Variants in RBBP4 observed in about 807,000 individuals in gnomAD.
The protein encoded by RBBP4 is RB binding protein 4, chromatin remodeling factor.
RBBP4 carries 3 observed loss-of-function variants against 57.2 expected under a neutral mutation model. The ratio of observed to expected loss-of-function variants is 0.05; its 90% confidence interval spans 0.02 to 0.14. RBBP4 has a LOEUF of 0.14. RBBP4 is among the 10% of genes least tolerant of loss of function. The probability of loss-of-function intolerance (pLI) is 1.00; values close to 1 mark genes in which losing one functional copy is unlikely to be tolerated. For missense variants in RBBP4, 107 were observed against 520.6 expected (o/e 0.21, Z 7.73); for synonymous variants, 151 against 171.5 (o/e 0.88, Z 0.93).
chr1:32,665,344 A>G (rs1000632916), intron 3 of RBBP4, among the ~76,000 whole-genome samples: 1 of 152,170 alleles, frequency 6.6e-6, no homozygotes, highest in Non-Finnish European at 1.5e-5. Flanking sequence ...CATACCACCC[A>G]TGTATATCTT....
At chr1:32,651,405 G>C (rs1024080497) in intron 1 of RBBP4, 83 bp downstream of exon 1, 4 of 1,387,148 alleles carry the variant, frequency 2.9e-6, no homozygotes, top group African/African-American at 1.5e-5. Flanking sequence ...AGTGAGGGCA[G>C]GCCCGAGTTT....
rs768938293 is a variant in RBBP4 at position 32,657,481 on chromosome 1, G to A, written c.219G>A (p.Ser73=). Residue 73 remains serine, a synonymous_variant, in exon 3 of 12, where the codon TCG becomes TCA. Transcript: ENST00000373493. ...GACTTGTCCTGGGGACACACACATC[G>A]GATGAACAAAACCATCTTGTTATAG... ...IHRLVLGTHT[S]DEQNHLVIAS... 3.7e-6 allele frequency: 6 copies of A among 1,613,830 alleles called. No individual in the cohort carries two copies. Among genetic ancestry groups the A allele is most frequent in the South Asian group, 2.2e-5 (2 of 91,078 alleles).
intron 3 of RBBP4, 154 bp downstream of exon 3, chr1:32,657,726 T>C (rs750133392): frequency 4.4e-5 from 37 of 834,182 alleles, no homozygotes; most frequent in Non-Finnish European, 5.9e-5. Context: ...ATTAGAGTTT[T>C]AGGTATCAGA....
rs1649384461 is a variant in RBBP4 at position 32,680,796 on chromosome 1, TAGAAA to T, written c.*1096_*1100del. On this transcript the variant is annotated 3_prime_UTR_variant, in exon 12 of 12. Transcript: ENST00000373493. ...ATTAAATGTAATAGTCCCAGAGCTG[TAGAAA>T]AGAACTTTACTCCTTCCCAGGGAAA... 1 of 430,054 alleles carries T rather than the reference TAGAAA, an allele frequency of 2.3e-6. No individual in the cohort carries two copies. The highest frequency in any genetic ancestry group is 2.1e-5 in the African/African-American group (1 of 48,768). 26.6% of individuals were successfully genotyped at this position (430,054 alleles called of 1,614,324 possible). A position where few individuals can be genotyped will look rare whatever the true frequency, so the allele number is the denominator to read the frequency against.
In RBBP4 at chr1:32,669,914, C is replaced by G. The variant is rs1320516943; in HGVS notation, c.966+351C>G. ...TCAAAAAAAAAGAAAAAAGAAAAAC[C>G]TGGATGTATGAGTGGGCACACATGT... On this transcript the variant is annotated intron_variant, in intron 8 of 11. Coordinates refer to ENST00000373493, the MANE Select transcript of RBBP4 (RefSeq NM_005610.3). This position sits in a 1 kb window ranked among gnomAD's most constrained non-coding sequence, Gnocchi z 4.9. Among the ~76,000 whole-genome samples the G allele has an allele frequency of 2.0e-5, 3 of 152,048 alleles. No homozygotes were observed. The highest frequency in any genetic ancestry group is 2.9e-5 in the Non-Finnish European group (2 of 68,012).
intron 2 of RBBP4, 174 bp downstream of exon 2, chr1:32,652,235 AC>A (rs1274349091): frequency 2.8e-6 from 2 of 721,000 alleles, no homozygotes; most frequent in Non-Finnish European, 4.4e-6. Flanking sequence ...TTTGTAACTT[AC>A]CTGACAAGAG....
At chr1:32,664,478 A>C (rs2148523257) in intron 3 of RBBP4, among the ~76,000 whole-genome samples, 1 of 151,960 alleles carries the variant, frequency 6.6e-6, no homozygotes, top group South Asian at 2.1e-4. Context: ...TTTGAGACAG[A>C]GTCTCACTCT....
intron 3 of RBBP4, among the ~76,000 whole-genome samples, chr1:32,667,519 G>A (rs543919019): frequency 6.6e-6 from 1 of 152,044 alleles, no homozygotes. Flanking sequence ...CGGTCTCTGC[G>A]TCTTGGTGGT....
intron 3 of RBBP4, among the ~76,000 whole-genome samples, chr1:32,659,098 A>T (rs1303763343): frequency 6.8e-6 from 1 of 146,706 alleles, no homozygotes; most frequent in East Asian, 1.9e-4. Flanking sequence ...ATATATTTAT[A>T]TTGTGTGTAA....
chr1:32,662,133 C>T, intron 3 of RBBP4: 1 of 236,148 alleles, frequency 4.2e-6, no homozygotes, highest in Admixed American at 4.8e-5. Context: ...ATCTGCTAGC[C>T]TTGGCCTCCC....
intron 3 of RBBP4, 123 bp downstream of exon 3, chr1:32,657,695 A>G: frequency 1.8e-6 from 2 of 1,103,584 alleles, no homozygotes; most frequent in South Asian, 1.8e-5. Flanking sequence ...TGAGTTTGCA[A>G]TGGTAGGTAT....
Position 32,657,768 on chromosome 1 carries a change from C to G in RBBP4, c.310+196C>G, listed in dbSNP as rs1472496091. The G allele has an allele frequency of 9.2e-6, 5 of 541,828 alleles. No individual in the cohort carries two copies. In the Admixed American group the frequency reaches 1.6e-4, roughly 17 times the overall value. 33.6% of individuals were successfully genotyped at this position (541,828 alleles called of 1,614,324 possible). A position where few individuals can be genotyped will look rare whatever the true frequency, so the allele number is the denominator to read the frequency against. On this transcript the variant is annotated intron_variant, in intron 3 of 11. Coordinates refer to ENST00000373493, the MANE Select transcript of RBBP4 (RefSeq NM_005610.3). ...ACTTAACACATCCTTGGTTCTGTAC[C>G]TTCACAATAAACTTTTCTCAGCTGG...
chr1:32,651,636 G>C, intron 1 of RBBP4: 1 of 761,432 alleles, frequency 1.3e-6, no homozygotes. Context: ...CTCGGAGCTC[G>C]GGCCTCCTCG....
At position 32,685,762 on chromosome 1, in the gene RBBP4, G is replaced by A. The variant is rs1322314080; in HGVS notation, c.*6057G>A. 2 of 152,200 alleles carry A rather than the reference G, an allele frequency of 1.3e-5. No individual in the cohort carries two copies. The highest frequency in any genetic ancestry group is 2.4e-5 in the African/African-American group (1 of 41,448). 9.4% of individuals were successfully genotyped at this position (152,200 alleles called of 1,614,324 possible). ...GGTACAAAAGTACATGCTTGGAAAA[G>A]CAGTCTGCACCACCAGTGATAAGCT... On this transcript the variant is annotated 3_prime_UTR_variant, in exon 12 of 12. Coordinates refer to ENST00000373493, the MANE Select transcript of RBBP4 (RefSeq NM_005610.3).
In RBBP4 at chr1:32,681,806, G is replaced by A; in HGVS notation, c.*2101G>A. The stretch of plus-strand genomic sequence containing the variant: ...AGGGTACTTAGTGATCCTTTGCTAA[G>A]AAGTTTTTTGCTGTTTCCGGGTTAC... On this transcript the variant is annotated 3_prime_UTR_variant, in exon 12 of 12. Transcript: ENST00000373493. The A allele has an allele frequency of 4.3e-6, 7 of 1,614,166 alleles. No individual in the cohort carries two copies. Among genetic ancestry groups the A allele is most frequent in the Non-Finnish European group, 5.9e-6 (7 of 1,180,014 alleles).
intron 1 of RBBP4, chr1:32,651,599 TG>T: frequency 1.1e-6 from 1 of 915,088 alleles, no homozygotes; most frequent in South Asian, 2.5e-5. Context: ...GTCCCGAGCG[TG>T]GGGACACCGC....
Position 32,681,984 on chromosome 1 carries a change from A to T in RBBP4, c.*2279A>T. 3 of 822,808 alleles carry T rather than the reference A, an allele frequency of 3.6e-6. No homozygotes were observed. In the South Asian group the frequency reaches 4.8e-5, roughly 13 times the overall value. The allele number at this position is 822,808 out of a possible 1,614,324, so 51.0% of individuals were successfully genotyped here. A position where few individuals can be genotyped will look rare whatever the true frequency, so the allele number is the denominator to read the frequency against. On this transcript the variant is annotated 3_prime_UTR_variant, in exon 12 of 12. Transcript: ENST00000373493. ...GATCAGGGATGACTTTCCCCTAGCA[A>T]ATATTTGGATGCCTCCTGTTTGTCA...
In RBBP4 at chr1:32,684,402, A is replaced by C; in HGVS notation, c.*4697A>C. The C allele has an allele frequency of 6.2e-7, 1 of 1,614,066 alleles. No individual in the cohort carries two copies. On this transcript the variant is annotated 3_prime_UTR_variant, in exon 12 of 12. Coordinates refer to ENST00000373493, the MANE Select transcript of RBBP4 (RefSeq NM_005610.3). ...CTGTTCCTGCATGAGATGGCCAAGA[A>C]CATTTCTAATGAGCCAAACAATAAA... is the stretch of plus-strand genomic sequence containing the variant.
chr1:32,651,390 CT>C (rs1647611022), intron 1 of RBBP4, 68 bp downstream of exon 1: 2 of 1,400,160 alleles, frequency 1.4e-6, no homozygotes, highest in Non-Finnish European at 9.3e-7. Context: ...TCGACATGGC[CT>C]AACAGTGAGG....
Sources: allele counts gnomAD v4.1 joint callset (sites outside exome capture counted in the v4.1 genomes callset), GRCh38; gene constraint gnomAD v4.1.1; non-coding constraint Gnocchi (gnomAD v3.1); transcripts MANE v1.5; gene names NCBI Gene and HGNC (gene_info 2026-07-23, HGNC 2026-07-21).